The following PHF2 variants were observed in gnomAD, a reference collection of about 807,000 sequenced individuals.
PHF2 encodes the protein PHD finger protein 2.
In PHF2, 27 loss-of-function variants were observed where a neutral mutation model predicts 120.5. The observed-to-expected ratio is 0.22, with a 90% confidence interval of 0.17 to 0.31. The LOEUF (loss-of-function observed/expected upper bound fraction) is 0.31, where lower values mean the gene tolerates loss of function less well. Ranked by LOEUF, PHF2 falls within the 10% of genes least tolerant of loss-of-function variation. The pLI is 1.00. For missense variants in PHF2, 1,024 were observed against 1,434.8 expected (o/e 0.71, Z 4.63); for synonymous variants, 568 against 592.5 (o/e 0.96, Z 0.60).
chr9:93,606,180 G>T (rs1825539565), intron 1 of PHF2, among the ~76,000 whole-genome samples: 2 of 152,186 alleles, frequency 1.3e-5, no homozygotes, highest in East Asian at 1.9e-4. Context: ...ACATTGCCCA[G>T]GCTGGTCTTG....
At chr9:93,668,681 G>A (rs544412067) in intron 17 of PHF2, among the ~76,000 whole-genome samples, 2 of 152,260 alleles carry the variant, frequency 1.3e-5, no homozygotes, top group South Asian at 4.1e-4. Flanking sequence ...TGGGCTCCCC[G>A]CTGTGAATCT....
At chr9:93,589,982 C>T (rs993525354) in intron 1 of PHF2, among the ~76,000 whole-genome samples, 2 of 152,256 alleles carry the variant, frequency 1.3e-5, no homozygotes, top group East Asian at 3.9e-4. Flanking sequence ...TAGCTCATTT[C>T]TCATCCGAGG....
At chr9:93,637,193 A>T (rs1433655580) in intron 3 of PHF2, among the ~76,000 whole-genome samples, 1 of 151,870 alleles carries the variant, frequency 6.6e-6, no homozygotes, top group Non-Finnish European at 1.5e-5. Flanking sequence ...TTAAATTCCA[A>T]CTCCCTTCTT....
In PHF2 at chr9:93,656,682, G is replaced by A; in HGVS notation, c.1147+87G>A. 1.1e-6 allele frequency: 1 copy of A among 880,556 alleles called. No homozygotes were observed. The highest frequency in any genetic ancestry group is 1.9e-6 in the Non-Finnish European group (1 of 540,030). The allele number at this position is 880,556 out of a possible 1,614,324, so 54.5% of individuals were successfully genotyped here. On this transcript the variant is annotated intron_variant, in intron 9 of 21. Transcript: ENST00000359246. This position sits in a 1 kb window ranked among gnomAD's most constrained non-coding sequence, Gnocchi z 4.1. ...CCTGGTCAGGGCTGACTGTCTGGGT[G>A]TGAGTGCCGCCTTCCTGTGGCCTGA...
At chr9:93,618,839 T>TG (rs200948254) in intron 1 of PHF2, among the ~76,000 whole-genome samples, 1 of 150,466 alleles carries the variant, frequency 6.6e-6, no homozygotes, top group African/African-American at 2.4e-5. Flanking sequence ...GTGTGTGGTG[T>TG]GTGTGTGTGC....
chr9:93,590,302 T>C (rs79717229), intron 1 of PHF2, among the ~76,000 whole-genome samples: 232 of 152,354 alleles, frequency 1.5e-3, no homozygotes, highest in African/African-American at 5.4e-3. Flanking sequence ...TGTAGAGTTG[T>C]GTCAGTAGCC....
At chr9:93,598,854 A>G (rs1363370790) in intron 1 of PHF2, among the ~76,000 whole-genome samples, 1 of 152,122 alleles carries the variant, frequency 6.6e-6, no homozygotes, top group Non-Finnish European at 1.5e-5. Context: ...GAAGCCCATC[A>G]CCACATCCTG....
chr9:93,645,363 C>T (rs1029751958), intron 3 of PHF2, among the ~76,000 whole-genome samples: 5 of 152,242 alleles, frequency 3.3e-5, no homozygotes, highest in African/African-American at 1.2e-4. Flanking sequence ...AGGACAGGCC[C>T]TTGTCACCTC....
chr9:93,629,486 C>T (rs1825963653), intron 1 of PHF2, among the ~76,000 whole-genome samples: 1 of 152,124 alleles, frequency 6.6e-6, no homozygotes, highest in African/African-American at 2.4e-5. Context: ...GTCCTAAGGC[C>T]AGGCTGGTAG....
At chr9:93,645,140 T>C (rs1253831284) in intron 3 of PHF2, among the ~76,000 whole-genome samples, 1 of 152,208 alleles carries the variant, frequency 6.6e-6, no homozygotes, top group Admixed American at 6.5e-5. Context: ...TTGTCCAAGG[T>C]CTTCCCAATA....
intron 1 of PHF2, among the ~76,000 whole-genome samples, chr9:93,599,626 C>T (rs1365330173): frequency 6.6e-6 from 1 of 152,260 alleles, no homozygotes; most frequent in Non-Finnish European, 1.5e-5. Context: ...ACTGGCCTCT[C>T]AGCCGAGATA....
chr9:93,671,977 TGTG>T (rs1372667006), intron 17 of PHF2, among the ~76,000 whole-genome samples: 1 of 135,640 alleles, frequency 7.4e-6, no homozygotes, highest in East Asian at 2.4e-4. Flanking sequence ...TAGATGCAGA[TGTG>T]GGTGTGGGAG....
chr9:93,594,143 C>A (rs1217536095), intron 1 of PHF2, among the ~76,000 whole-genome samples: 2 of 151,930 alleles, frequency 1.3e-5, no homozygotes, highest in East Asian at 3.9e-4. Context: ...CCTCACCCTT[C>A]CGGAGATATC....
At chr9:93,624,478 G>A (rs61453782) in intron 1 of PHF2, among the ~76,000 whole-genome samples, 36,431 of 137,660 alleles carry the variant, frequency 0.26, 5,141 homozygotes, top group South Asian at 0.6. Flanking sequence ...ATGGTGTGGC[G>A]GTGATGGTGA....
At chr9:93,653,699 C>T (rs1826407969) in intron 6 of PHF2, among the ~76,000 whole-genome samples, 2 of 149,460 alleles carry the variant, frequency 1.3e-5, no homozygotes, top group Admixed American at 1.3e-4. Context: ...TAGCCAGGGC[C>T]CCGCACAGGA....
rs183209259 is a variant in PHF2 at position 93,666,904 on chromosome 9, A to G, written c.2188-176A>G. On this transcript the variant is annotated intron_variant, in intron 16 of 21. Transcript: ENST00000359246. ...GCACCACTGCACTCCAGCCTGGGCG[A>G]CAGAGCGAGACTCCATCTCAAAACT... is the stretch of plus-strand genomic sequence containing the variant. Among the ~76,000 whole-genome samples the G allele has an allele frequency of 1.4e-3, 217 of 152,332 alleles. 2 individuals are homozygous for G. The highest frequency in any genetic ancestry group is 4.8e-3 in the African/African-American group (201 of 41,588).
chr9:93,621,989 G>A (rs73522243), intron 1 of PHF2, among the ~76,000 whole-genome samples: 4,742 of 152,244 alleles, frequency 0.031, 109 homozygotes, highest in African/African-American at 0.056. Context: ...TTGGGGACGT[G>A]CCCAACCACC....
At chr9:93,630,084 CT>C (rs753327618) in intron 2 of PHF2, 29 bp downstream of exon 2, 1 of 1,604,782 alleles carries the variant, frequency 6.2e-7, no homozygotes, top group Non-Finnish European at 8.5e-7. Flanking sequence ...GCGGCCATCT[CT>C]TGCGGAAGAG....
chr9:93,598,574 G>C (rs1006779690), intron 1 of PHF2, among the ~76,000 whole-genome samples: 1 of 152,114 alleles, frequency 6.6e-6, no homozygotes, highest in African/African-American at 2.4e-5. Context: ...CTAATAGCAG[G>C]CATGGTGCAG....
Sources: gnomAD v4.1 joint callset for allele counts (sites outside exome capture counted in the v4.1 genomes callset) on GRCh38, gnomAD v4.1.1 for gene constraint, Gnocchi (gnomAD v3.1) non-coding constraint, MANE v1.5 for transcripts, NCBI Gene and HGNC (gene_info 2026-07-23, HGNC 2026-07-21) for gene names.